SLC6A6: variants seen among roughly 807,000 people sequenced by gnomAD.
The protein encoded by SLC6A6 is sodium- and chloride-dependent taurine transporter.
A neutral mutation model predicts 68.8 loss-of-function variants in SLC6A6; 16 were observed. That is an observed-to-expected ratio of 0.23 (90% CI 0.16 to 0.35). The LOEUF is 0.35. Among genes scored for constraint, SLC6A6 ranks in the 10% least tolerant of loss-of-function variants. The probability of loss-of-function intolerance (pLI) is 1.00; values close to 1 mark genes in which losing one functional copy is unlikely to be tolerated. For synonymous variants in SLC6A6, 312 were observed against 315.4 expected, an observed-to-expected ratio of 0.99 and a Z score of 0.12; for missense variants, 474 against 802.8, an observed-to-expected ratio of 0.59 and a Z score of 4.95.
intron 5 of SLC6A6, 29 bp downstream of exon 5, chr3:14,447,845 A>AT (rs772451484): frequency 1.2e-6 from 2 of 1,613,126 alleles, no homozygotes; most frequent in South Asian, 2.2e-5. Flanking sequence ...AGCAAGGAGG[A>AT]GGACATGGGT....
At chr3:14,462,251 G>C (rs1700512416) in intron 6 of SLC6A6, among the ~76,000 whole-genome samples, 1 of 152,218 alleles carries the variant, frequency 6.6e-6, no homozygotes, top group African/African-American at 2.4e-5. Context: ...TTTCAAACCT[G>C]CTACTGTAAA....
At chr3:14,405,099 G>C (rs376766010) in intron 1 of SLC6A6, among the ~76,000 whole-genome samples, 2 of 152,188 alleles carry the variant, frequency 1.3e-5, no homozygotes, top group African/African-American at 2.4e-5. Context: ...GCCCCATGGG[G>C]CTTTGGTCAC....
Position 14,435,541 on chromosome 3 carries a change from G to A in SLC6A6, c.-11-8083G>A, listed in dbSNP as rs554640238. ...CCAGAATATTTTTGCTCATTGTTTC[G>A]GCTTTGTTCCGGGCAAAACAATGCC... On this transcript the variant is annotated intron_variant, in intron 2 of 14. Transcript: ENST00000622186. 3.3e-5 allele frequency among the ~76,000 whole-genome samples: 5 copies of A among 152,244 alleles called. No homozygotes were observed. The East Asian group carries it at 5.8e-4, about 18-fold the overall frequency.
chr3:14,481,596 C>G lies in SLC6A6; in HGVS notation c.1552-75C>G. The G allele has an allele frequency of 1.0e-6, 1 of 996,158 alleles. No homozygotes were observed. The highest frequency in any genetic ancestry group is 1.5e-6 in the Non-Finnish European group (1 of 645,888). 61.7% of individuals were successfully genotyped at this position (996,158 alleles called of 1,614,324 possible). A position where few individuals can be genotyped will look rare whatever the true frequency, so the allele number is the denominator to read the frequency against. On this transcript the variant is annotated intron_variant, in intron 13 of 14. Coordinates refer to ENST00000622186, the MANE Select transcript of SLC6A6 (RefSeq NM_003043.6). The surrounding 1 kb of genome is among the most constrained non-coding windows in gnomAD (Gnocchi z 4.7). ...GAGAGACCCTTCCCTCAGGTTGAGG[C>G]CAGTCCTAGTCCCAGAAGCCCCCCA... is the stretch of plus-strand genomic sequence containing the variant.
chr3:14,460,545 C>T (rs1700471257), intron 6 of SLC6A6, among the ~76,000 whole-genome samples: 1 of 152,166 alleles, frequency 6.6e-6, no homozygotes, highest in Non-Finnish European at 1.5e-5. Context: ...TTGACCCAGA[C>T]CCTTGGGGAG....
intron 4 of SLC6A6, among the ~76,000 whole-genome samples, 180 bp downstream of exon 4, chr3:14,446,031 G>A (rs999623754): frequency 1.3e-5 from 2 of 152,192 alleles, no homozygotes; most frequent in Admixed American, 6.5e-5. Flanking sequence ...TTAGGAGTAC[G>A]GGGAAAGGAG....
chr3:14,441,334 C>T (rs1347125688), intron 2 of SLC6A6, among the ~76,000 whole-genome samples: 1 of 152,054 alleles, frequency 6.6e-6, no homozygotes. Context: ...AATGGGCTGC[C>T]CTGATAACCA....
intron 10 of SLC6A6, among the ~76,000 whole-genome samples, chr3:14,474,034 C>G (rs1421980163): frequency 8.5e-5 from 13 of 152,164 alleles, no homozygotes; most frequent in Admixed American, 8.5e-4. Context: ...ATCTGGTGGG[C>G]TCTCACAGCC....
chr3:14,403,196 G>A (rs1338261034), intron 1 of SLC6A6, among the ~76,000 whole-genome samples: 1 of 151,360 alleles, frequency 6.6e-6, no homozygotes, highest in Non-Finnish European at 1.5e-5. Context: ...TGTTTCTGAG[G>A]GTGACTGTTT....
Position 14,443,643 on chromosome 3 carries a change from C to T in SLC6A6, c.9C>T (p.Thr3=). 1 of 1,610,018 alleles carries T rather than the reference C, an allele frequency of 6.2e-7. No homozygotes were observed. Among genetic ancestry groups the T allele is most frequent in the African/African-American group, 1.3e-5 (1 of 74,912 alleles). Residue 3 remains threonine, a synonymous_variant, in exon 3 of 15, where the codon ACC becomes ACT. Coordinates refer to ENST00000622186, the MANE Select transcript of SLC6A6 (RefSeq NM_003043.6). MA[T]KEKLQCLKDF... is the part of the protein sequence containing the mutation. The stretch of plus-strand genomic sequence containing the variant: ...CCATAGAAAGCAAGGAGATGGCCAC[C>T]AAGGAGAAGCTGCAGTGTCTGAAAG...
intron 2 of SLC6A6, among the ~76,000 whole-genome samples, chr3:14,431,355 G>A (rs760367834): frequency 1.3e-5 from 2 of 152,182 alleles, no homozygotes; most frequent in Admixed American, 6.5e-5. Context: ...AATCCTCATC[G>A]TGCTGGGCCT....
chr3:14,464,074 G>A (rs1475991060), intron 6 of SLC6A6, among the ~76,000 whole-genome samples: 1 of 152,210 alleles, frequency 6.6e-6, no homozygotes, highest in East Asian at 1.9e-4. Context: ...TCGACCTAGA[G>A]TGGCAGAGTG....
chr3:14,483,251 C>T (rs927973850), intron 14 of SLC6A6, among the ~76,000 whole-genome samples: 2 of 152,206 alleles, frequency 1.3e-5, no homozygotes, highest in Admixed American at 1.3e-4. Flanking sequence ...ACCCCGTCCT[C>T]CTGTGCCAGT....
intron 5 of SLC6A6, among the ~76,000 whole-genome samples, chr3:14,453,262 G>A (rs1263440695): frequency 3.1e-4 from 47 of 152,224 alleles, no homozygotes; most frequent in Non-Finnish European, 5.9e-5. Flanking sequence ...AGACGTCCAG[G>A]CAGTTCTTTT....
chr3:14,466,958 C>T (rs893044773), intron 7 of SLC6A6, among the ~76,000 whole-genome samples: 2 of 152,194 alleles, frequency 1.3e-5, no homozygotes, highest in African/African-American at 4.8e-5. Flanking sequence ...GCAAGTCTCC[C>T]GCTCGGACCC....
rs756992988 is a variant in SLC6A6 at position 14,477,703 on chromosome 3, G to A, written c.1347+361G>A. On this transcript the variant is annotated intron_variant, in intron 11 of 14. Coordinates refer to ENST00000622186, the MANE Select transcript of SLC6A6 (RefSeq NM_003043.6). The surrounding 1 kb of genome is among the most constrained non-coding windows in gnomAD (Gnocchi z 4.2). ...GGTGGAGACATTCTCAAGGGTAAACGCAGGCCTCCCAGGAAATACCACAGC... is the reference window on the plus strand; with the variant it reads ...GGTGGAGACATTCTCAAGGGTAAACACAGGCCTCCCAGGAAATACCACAGC... Among the ~76,000 whole-genome samples, 5 of 152,132 alleles carry A rather than the reference G, an allele frequency of 3.3e-5. No homozygotes were observed. Among genetic ancestry groups the A allele is most frequent in the African/African-American group, 9.7e-5 (4 of 41,424 alleles).
At chr3:14,460,376 T>G in intron 6 of SLC6A6, among the ~76,000 whole-genome samples, 1 of 148,122 alleles carries the variant, frequency 6.8e-6, no homozygotes. Context: ...GAATGGGGAG[T>G]GTTGGGAGCA....
At chr3:14,470,566 G>T (rs922739233) in intron 9 of SLC6A6, among the ~76,000 whole-genome samples, 7 of 152,150 alleles carry the variant, frequency 4.6e-5, no homozygotes, top group Admixed American at 2.6e-4. Flanking sequence ...AGAAACGAGC[G>T]AATTGAGAAT....
Position 14,477,126 on chromosome 3 carries a change from TG to T in SLC6A6, c.1210-76del. 7.3e-7 allele frequency: 1 copy of T among 1,372,810 alleles called. No homozygotes were observed. The highest frequency in any genetic ancestry group is 1.8e-5 in the Admixed American group (1 of 57,032). The allele number at this position is 1,372,810 out of a possible 1,614,324, so 85.0% of individuals were successfully genotyped here. ...CGTCTGCTCCTGCATTGTGTGTTCC[TG>T]GGCCCTTCCCTCCGAGCAGCAGGCA... is the stretch of plus-strand genomic sequence containing the variant. On this transcript the variant is annotated intron_variant, in intron 10 of 14. Coordinates refer to ENST00000622186, the MANE Select transcript of SLC6A6 (RefSeq NM_003043.6). The surrounding 1 kb of genome is among the most constrained non-coding windows in gnomAD (Gnocchi z 4.2).
Sources: allele counts gnomAD v4.1 joint callset (sites outside exome capture counted in the v4.1 genomes callset), GRCh38; gene constraint gnomAD v4.1.1; non-coding constraint Gnocchi (gnomAD v3.1); transcripts MANE v1.5; gene names NCBI Gene and HGNC (gene_info 2026-07-23, HGNC 2026-07-21).